Variants in TCF4 observed in about 807,000 individuals in gnomAD.
TCF4 encodes transcription factor 4, also known as SL3-3 enhancer factor 2.
TCF4 carries 3 observed loss-of-function variants against 82.1 expected under a neutral mutation model. That is an observed-to-expected ratio of 0.04 (90% CI 0.02 to 0.09). The LOEUF (loss-of-function observed/expected upper bound fraction) is 0.09, where lower values mean the gene tolerates loss of function less well. Among genes scored for constraint, TCF4 ranks in the 10% least tolerant of loss-of-function variants. The pLI, the probability that TCF4 is intolerant of heterozygous loss-of-function variation, is 1.00. For missense variants in TCF4, 518 were observed against 852.7 expected (o/e 0.61, Z 4.89); for synonymous variants, 276 against 309.6 (o/e 0.89, Z 1.14).
chr18:55,569,760 A>G (rs916811563), intron 3 of TCF4, among the ~76,000 whole-genome samples: 19 of 152,338 alleles, frequency 1.2e-4, no homozygotes, highest in Admixed American at 2.6e-4. Flanking sequence ...GTTTTGAGAT[A>G]TCAGACACCT....
chr18:55,588,562 C>T, upstream of TCF4: 1 of 1,529,652 alleles, frequency 6.5e-7, no homozygotes, highest in Non-Finnish European at 8.7e-7. Context: ...GAAATTTATT[C>T]GAGTTTACAT....
intron 3 of TCF4, among the ~76,000 whole-genome samples, chr18:55,509,462 A>C (rs979805712): frequency 6.6e-6 from 1 of 152,128 alleles, no homozygotes; most frequent in Non-Finnish European, 1.5e-5. Flanking sequence ...AAAATATTTG[A>C]TGTCTCTCTT....
intron 8 of TCF4, among the ~76,000 whole-genome samples, chr18:55,316,627 C>T (rs966440606): frequency 6.6e-6 from 1 of 151,894 alleles, no homozygotes; most frequent in Non-Finnish European, 1.5e-5. Flanking sequence ...AAAACAACAA[C>T]AAAAAAAGCC....
chr18:55,323,063 C>A (rs1283181644), intron 8 of TCF4, among the ~76,000 whole-genome samples: 4 of 152,060 alleles, frequency 2.6e-5, no homozygotes, highest in Non-Finnish European at 5.9e-5. Flanking sequence ...TTCTCACAAG[C>A]AAGTTGATAT....
intron 3 of TCF4, among the ~76,000 whole-genome samples, chr18:55,515,420 C>T (rs2096871854): frequency 6.6e-6 from 1 of 152,314 alleles, no homozygotes; most frequent in African/African-American, 2.4e-5. Flanking sequence ...CCAAAAACTA[C>T]AGTTCCGTCA....
At chr18:55,584,346 T>C (rs2097610789) in intron 3 of TCF4, among the ~76,000 whole-genome samples, 1 of 152,180 alleles carries the variant, frequency 6.6e-6, no homozygotes, top group Non-Finnish European at 1.5e-5. Flanking sequence ...TAATGTACTG[T>C]TATATACCAT....
chr18:55,265,721 A>G (rs1374235430), intron 11 of TCF4: 4 of 152,182 alleles, frequency 2.6e-5, no homozygotes, highest in Non-Finnish European at 5.9e-5. Flanking sequence ...CAAGTCCTCA[A>G]AGAGAAAAGG....
At chr18:55,247,739 T>A (rs1032240113) in intron 15 of TCF4, among the ~76,000 whole-genome samples, 8 of 152,198 alleles carry the variant, frequency 5.3e-5, no homozygotes, top group Admixed American at 3.9e-4. Flanking sequence ...TTTTTCAGGT[T>A]AAATATTTGA....
intron 3 of TCF4, chr18:55,546,982 T>C (rs915074968): frequency 2.6e-5 from 4 of 152,208 alleles, no homozygotes; most frequent in Non-Finnish European, 4.4e-5. Context: ...GATCCTGCAT[T>C]GTGTGGGCTG....
rs1387673447 is a variant in TCF4 at position 55,483,771 on chromosome 18, G to GCGT, written c.146-19637_146-19635dup. On this transcript the variant is annotated intron_variant, in intron 3 of 19. Transcript: ENST00000354452. ...AGATACAAATTGGGTTAGGCATTCTGCGTCACTTACTTGGATGGCAGTTAT... is the reference window on the plus strand; with the variant it reads ...AGATACAAATTGGGTTAGGCATTCTGCGTCGTCACTTACTTGGATGGCAGTTAT... 3.3e-5 allele frequency among the ~76,000 whole-genome samples: 5 copies of GCGT among 152,326 alleles called. No individual in the cohort carries two copies. The East Asian group carries it at 9.6e-4, about 29-fold the overall frequency.
At chr18:55,350,447 C>T (rs992334745) in intron 7 of TCF4, 39 bp from the exon 8 acceptor site, 3 of 1,610,016 alleles carry the variant, frequency 1.9e-6, no homozygotes, top group Non-Finnish European at 2.5e-6. Context: ...CCCAAATGCC[C>T]ATTTTCCTAA....
intron 8 of TCF4, among the ~76,000 whole-genome samples, chr18:55,307,299 A>T (rs1274978925): frequency 1.3e-5 from 2 of 152,256 alleles, no homozygotes. Context: ...GTCTTATGAC[A>T]AATGTCAAAT....
chr18:55,231,662 G>A (rs2047959150), intron 17 of TCF4: 1 of 152,192 alleles, frequency 6.6e-6, no homozygotes, highest in Non-Finnish European at 1.5e-5. Context: ...GGAAGGAAAG[G>A]GGTTATCTAG....
chr18:55,513,369 C>T (rs1054050067), intron 3 of TCF4, among the ~76,000 whole-genome samples: 1 of 142,048 alleles, frequency 7.0e-6, no homozygotes, highest in Non-Finnish European at 1.5e-5. Flanking sequence ...TAGCCCTCAG[C>T]TTTTTTTTTT....
chr18:55,605,594 A>G (rs1204783477), intron 2 of TCF4, among the ~76,000 whole-genome samples: 2 of 152,232 alleles, frequency 1.3e-5, no homozygotes. Flanking sequence ...AAGTGGAGGT[A>G]GGAATGATTA....
chr18:55,390,573 A>T (rs1402529867), intron 6 of TCF4, among the ~76,000 whole-genome samples: 2 of 152,188 alleles, frequency 1.3e-5, no homozygotes, highest in African/African-American at 4.8e-5. Context: ...ATGTGTAACT[A>T]TCTAGAGGAA....
intron 2 of TCF4, among the ~76,000 whole-genome samples, chr18:55,621,419 T>TA (rs397811790): frequency 1.2e-4 from 14 of 117,382 alleles, no homozygotes; most frequent in African/African-American, 3.2e-4. Context: ...GATATATATA[T>TA]TATATATAAT....
At chr18:55,321,637 C>T in intron 8 of TCF4, 3 of 1,536,066 alleles carry the variant, frequency 2.0e-6, no homozygotes, top group African/African-American at 1.4e-5. Flanking sequence ...TAAAACTTGT[C>T]AAAAATCCCC....
chr18:55,556,313 G>C (rs2097303998), intron 3 of TCF4, among the ~76,000 whole-genome samples: 1 of 152,008 alleles, frequency 6.6e-6, no homozygotes. Context: ...CCACATCTCA[G>C]TTATATTTGA....
Sources: gnomAD v4.1 joint callset for allele counts (sites outside exome capture counted in the v4.1 genomes callset) on GRCh38, gnomAD v4.1.1 for gene constraint, MANE v1.5 for transcripts, NCBI Gene and HGNC (gene_info 2026-07-23, HGNC 2026-07-21) for gene names.